The following ELAVL2 variants were observed in gnomAD, a reference collection of about 807,000 sequenced individuals.
ELAVL2 encodes the protein ELAV-like protein 2.
In ELAVL2, 4 loss-of-function variants were observed where a neutral mutation model predicts 34.6. The ratio of observed to expected loss-of-function variants is 0.12; its 90% CI spans 0.06 to 0.26. The LOEUF (loss-of-function observed/expected upper bound fraction) is 0.26. Ranked by LOEUF, ELAVL2 falls within the 10% of genes least tolerant of loss-of-function variation. The pLI is 1.00. For missense variants in ELAVL2, 432 were observed against 442.8 expected (o/e 0.98, Z 0.22); for synonymous variants, 193 against 154.8 (o/e 1.25, Z -1.83).
Position 23,690,794 on chromosome 9 carries a change from C to T in ELAVL2, c.*1763G>A, listed in dbSNP as rs997587936. 6.6e-6 allele frequency: 1 copy of T among 152,510 alleles called. No homozygotes were observed. Among genetic ancestry groups the T allele is most frequent in the Non-Finnish European group, 1.5e-5 (1 of 67,990 alleles). 9.4% of individuals were successfully genotyped at this position (152,510 alleles called of 1,614,324 possible). On this transcript the variant is annotated 3_prime_UTR_variant, in exon 7 of 7. Transcript: ENST00000397312. ...AGTTCTCAGTGCATCCTGATGAAGGCATTTTTGCCTTCAGCTTTTTTGAAA... is the reference window on the plus strand; with the variant it reads ...AGTTCTCAGTGCATCCTGATGAAGGTATTTTTGCCTTCAGCTTTTTTGAAA...
chr9:23,836,081 A>T, the ELAVL2 span, among the ~76,000 whole-genome samples: 161 of 152,292 alleles, frequency 1.1e-3, no homozygotes, highest in Middle Eastern at 0.01. Flanking sequence ...TTAACTCTTC[A>T]TGTTGATGTG....
chr9:23,744,942 G>A (rs1325214853), intron 2 of ELAVL2, among the ~76,000 whole-genome samples: 1 of 151,968 alleles, frequency 6.6e-6, no homozygotes, highest in Non-Finnish European at 1.5e-5. Flanking sequence ...GGGCACAGTG[G>A]CTCCCAAATA....
At chr9:23,849,987 G>A in the ELAVL2 span, 1 of 152,084 alleles carries the variant, frequency 6.6e-6, no homozygotes, top group Non-Finnish European at 1.5e-5. Flanking sequence ...GAACTGGGAA[G>A]GCAGGGCTAA....
upstream of ELAVL2, chr9:23,829,568 G>A (rs1292481941): frequency 6.6e-6 from 1 of 152,144 alleles, no homozygotes; most frequent in Non-Finnish European, 1.5e-5. Context: ...GGAGTAGGGG[G>A]TTATGGTTCA....
chr9:23,692,867 A>G lies in ELAVL2; in HGVS notation c.770T>C (p.Ile257Thr). 6.2e-7 allele frequency: 1 copy of G among 1,613,860 alleles called. No individual in the cohort carries two copies. The highest frequency in any genetic ancestry group is 8.5e-7 in the Non-Finnish European group (1 of 1,179,786). Residue 257 changes from isoleucine (I) to threonine (T), a missense_variant, in exon 7 of 7, where the codon ATT (isoleucine) becomes ACT (threonine). Physicochemically the swap from Ile to Thr is moderately conservative, Grantham distance 89. Transcript: ENST00000397312. ...YGVKRFSPMT[I>T]DGMTSLAGIN... ...TCCAGCCAAACTGGTCATTCCGTCAATGGTCATTGGAGAAAACCTGCTAAA... is the reference window on the plus strand; with the variant it reads ...TCCAGCCAAACTGGTCATTCCGTCAGTGGTCATTGGAGAAAACCTGCTAAA...
chr9:23,706,795 C>T (rs968371281), intron 3 of ELAVL2, among the ~76,000 whole-genome samples: 1 of 152,174 alleles, frequency 6.6e-6, no homozygotes, highest in Non-Finnish European at 1.5e-5. Context: ...AAGCACCAAA[C>T]ATTTTCCCCA....
chr9:23,778,634 TAA>T (rs1358142028), intron 1 of ELAVL2, among the ~76,000 whole-genome samples: 1 of 152,138 alleles, frequency 6.6e-6, no homozygotes, highest in Non-Finnish European at 1.5e-5. Context: ...TCAAATGTGC[TAA>T]AGAGTATATG....
rs559247550 is a variant in ELAVL2, at chr9:23,813,412, C to CTT, written c.-16+12392_-16+12393dup. Among the ~76,000 whole-genome samples the CTT allele has an allele frequency of 5.9e-3, 787 of 132,874 alleles. 6 individuals carry two copies. Among genetic ancestry groups the CTT allele is most frequent in the African/African-American group, 0.016 (596 of 36,504 alleles). The allele number at this position is 132,874 out of a possible 152,430, so 87.2% of individuals were successfully genotyped here. A position where few individuals can be genotyped will look rare whatever the true frequency, so the allele number is the denominator to read the frequency against. On this transcript the variant is annotated intron_variant, in intron 1 of 6. Transcript: ENST00000397312. ...CACACACCTGGAAGTCTCATATCGG[C>CTT]TTTTTTTTTTTTTTTTTACAACAAT... is the stretch of plus-strand genomic sequence containing the variant.
intron 1 of ELAVL2, among the ~76,000 whole-genome samples, chr9:23,818,633 A>G (rs1021730273): frequency 1.3e-5 from 2 of 152,208 alleles, no homozygotes; most frequent in Non-Finnish European, 2.9e-5. Flanking sequence ...TGTCAACAAA[A>G]AAGTAACCAA....
At chr9:23,774,213 CAAAAAAAAA>C (rs57247631) in intron 1 of ELAVL2, among the ~76,000 whole-genome samples, 9 of 61,452 alleles carry the variant, frequency 1.5e-4, no homozygotes, top group African/African-American at 5.8e-4. Flanking sequence ...GACTCCATCT[CAAAAAAAAA>C]AAAAAAAAAA....
upstream of ELAVL2, among the ~76,000 whole-genome samples, chr9:23,831,092 A>C (rs918064672): frequency 6.6e-6 from 1 of 152,210 alleles, no homozygotes; most frequent in Non-Finnish European, 1.5e-5. Flanking sequence ...GCTGATAGTA[A>C]TCAGTCTTTT....
chr9:23,814,474 G>C (rs1465125827), intron 1 of ELAVL2, among the ~76,000 whole-genome samples: 2 of 152,132 alleles, frequency 1.3e-5, no homozygotes, highest in Non-Finnish European at 2.9e-5. Flanking sequence ...ATTCCTTGCG[G>C]AGACTATGGA....
intron 3 of ELAVL2, among the ~76,000 whole-genome samples, chr9:23,714,760 G>A (rs1425510818): frequency 6.6e-6 from 1 of 152,050 alleles, no homozygotes; most frequent in African/African-American, 2.4e-5. Flanking sequence ...TGTGTTACAA[G>A]CTACCATGCA....
chr9:23,730,041 G>C (rs1167791787), intron 3 of ELAVL2, among the ~76,000 whole-genome samples: 2 of 152,076 alleles, frequency 1.3e-5, no homozygotes, highest in African/African-American at 2.4e-5. Flanking sequence ...GATAGAAGTT[G>C]TCTGGAACAC....
intron 4 of ELAVL2, among the ~76,000 whole-genome samples, chr9:23,702,973 A>AAAAAAAAAAAAAAC (rs1563957516): frequency 6.9e-6 from 1 of 145,410 alleles, no homozygotes; most frequent in Admixed American, 7.1e-5. Flanking sequence ...AAAAAAAAAA[A>AAAAAAAAAAAAAAC]AAAAAAAACA....
chr9:23,836,987 G>A, the ELAVL2 span, among the ~76,000 whole-genome samples: 5 of 152,112 alleles, frequency 3.3e-5, no homozygotes, highest in Non-Finnish European at 7.4e-5. Context: ...AGCTTTCGTC[G>A]AAAATTCAAG....
intron 1 of ELAVL2, among the ~76,000 whole-genome samples, chr9:23,766,795 T>C (rs752420727): frequency 1.3e-5 from 2 of 152,056 alleles, no homozygotes; most frequent in Non-Finnish European, 2.9e-5. Context: ...TAAAGCTACT[T>C]CCCCTTCACT....
intron 3 of ELAVL2, among the ~76,000 whole-genome samples, chr9:23,715,543 C>T (rs901536960): frequency 6.6e-6 from 1 of 152,192 alleles, no homozygotes; most frequent in Non-Finnish European, 1.5e-5. Flanking sequence ...GAAAACAACG[C>T]AGGCTAAATT....
At chr9:23,715,818 C>A (rs1394804609) in intron 3 of ELAVL2, among the ~76,000 whole-genome samples, 2 of 152,090 alleles carry the variant, frequency 1.3e-5, no homozygotes, top group African/African-American at 4.8e-5. Context: ...GGACTACACA[C>A]TGGCTGGCAT....
Sources: allele counts gnomAD v4.1 joint callset (sites outside exome capture counted in the v4.1 genomes callset), GRCh38; gene constraint gnomAD v4.1.1; transcripts MANE v1.5; gene names NCBI Gene and HGNC (gene_info 2026-07-23, HGNC 2026-07-21).